Variants in MAF observed in about 807,000 individuals in gnomAD.
MAF encodes the protein MAF bZIP transcription factor.
In MAF, 10 loss-of-function variants were observed where a neutral mutation model predicts 22.0. The ratio of observed to expected loss-of-function variants is 0.45; its 90% CI spans 0.28 to 0.77. The LOEUF is 0.77. Among genes scored for constraint, MAF ranks in the 30% least tolerant of loss-of-function variants. The probability of loss-of-function intolerance (pLI) is 0.12; values close to 1 mark genes in which losing one functional copy is unlikely to be tolerated. For missense variants in MAF, 544 were observed against 548.4 expected (o/e 0.99, Z 0.08); for synonymous variants, 337 against 255.8 (o/e 1.32, Z -3.03).
At chr16:79,477,985 G>A in the MAF span, among the ~76,000 whole-genome samples, 14 of 150,560 alleles carry the variant, frequency 9.3e-5, no homozygotes, top group African/African-American at 2.7e-4. Context: ...GCCTCCCAAC[G>A]GCTGGGATTA....
chr16:79,542,780 T>G, the MAF span, among the ~76,000 whole-genome samples: 1 of 152,190 alleles, frequency 6.6e-6, no homozygotes, highest in Non-Finnish European at 1.5e-5. Flanking sequence ...TTCACTGAAC[T>G]GCTCCTGGCC....
the MAF span, among the ~76,000 whole-genome samples, chr16:79,300,146 T>C: frequency 1.3e-5 from 2 of 152,248 alleles, no homozygotes; most frequent in African/African-American, 4.8e-5. Context: ...ATTTATGTCA[T>C]GTTAGGCATA....
At chr16:79,548,894 C>G in the MAF span, among the ~76,000 whole-genome samples, 2 of 152,124 alleles carry the variant, frequency 1.3e-5, no homozygotes, top group African/African-American at 4.8e-5. Flanking sequence ...CCTCTACACA[C>G]ACTTACACAA....
chr16:79,483,853 C>T, the MAF span, among the ~76,000 whole-genome samples: 2 of 152,136 alleles, frequency 1.3e-5, no homozygotes, highest in East Asian at 1.9e-4. Flanking sequence ...TGGTCTTATT[C>T]GACAGGCAGA....
chr16:79,295,965 T>G, the MAF span, among the ~76,000 whole-genome samples: 2 of 152,316 alleles, frequency 1.3e-5, no homozygotes, highest in Admixed American at 6.5e-5. Flanking sequence ...GTACCTCACC[T>G]CCTGCGGTCT....
At chr16:79,398,004 T>A in the MAF span, among the ~76,000 whole-genome samples, 14 of 152,218 alleles carry the variant, frequency 9.2e-5, no homozygotes, top group Admixed American at 4.6e-4. Flanking sequence ...GTTCTGGAGA[T>A]CAGAAGTCTG....
At chr16:79,361,033 C>G in the MAF span, among the ~76,000 whole-genome samples, 1 of 152,236 alleles carries the variant, frequency 6.6e-6, no homozygotes, top group African/African-American at 2.4e-5. Flanking sequence ...TGTTACTAAA[C>G]ACATTCCAGC....
At chr16:79,212,203 A>C in the MAF span, 7 of 1,450,328 alleles carry the variant, frequency 4.8e-6, no homozygotes, top group South Asian at 1.0e-4. Flanking sequence ...TCTCCTACTT[A>C]GGGAAGAAAA....
chr16:79,282,964 A>T, the MAF span, among the ~76,000 whole-genome samples: 1 of 152,184 alleles, frequency 6.6e-6, no homozygotes, highest in Non-Finnish European at 1.5e-5. Flanking sequence ...ACAAGTTAGG[A>T]AGTCATAAAG....
the MAF span, among the ~76,000 whole-genome samples, chr16:79,537,510 A>G: frequency 6.6e-6 from 1 of 152,200 alleles, no homozygotes; most frequent in African/African-American, 2.4e-5. Context: ...CGTGCGGCTG[A>G]GTCTTCAAGC....
downstream of MAF, among the ~76,000 whole-genome samples, chr16:79,589,666 C>G (rs1296619485): frequency 2.0e-5 from 3 of 152,198 alleles, no homozygotes; most frequent in Non-Finnish European, 4.4e-5. Context: ...TGCTCCCTCC[C>G]TCCAGGCGCC....
chr16:79,570,757 G>C, the MAF span, among the ~76,000 whole-genome samples: 1 of 152,170 alleles, frequency 6.6e-6, no homozygotes, highest in South Asian at 2.1e-4. Flanking sequence ...GTGGAATTGA[G>C]AAGATACAAT....
chr16:79,211,045 G>GTGTGTGTGTC, the MAF span, among the ~76,000 whole-genome samples: 2 of 151,826 alleles, frequency 1.3e-5, no homozygotes, highest in Non-Finnish European at 2.9e-5. Context: ...GTGTGTGTGT[G>GTGTGTGTGTC]TGTGTGTGTG....
chr16:79,378,748 G>C, the MAF span, among the ~76,000 whole-genome samples: 1 of 152,106 alleles, frequency 6.6e-6, no homozygotes, highest in Non-Finnish European at 1.5e-5. Context: ...AGTAAATCAA[G>C]TGGGTATATG....
At chr16:79,435,445 C>T in the MAF span, among the ~76,000 whole-genome samples, 254 of 152,284 alleles carry the variant, frequency 1.7e-3, 1 homozygote, top group African/African-American at 5.5e-3. Context: ...CGGTCAATAG[C>T]GAAATCTTCT....
the MAF span, among the ~76,000 whole-genome samples, chr16:79,411,882 T>C: frequency 6.6e-6 from 1 of 152,166 alleles, no homozygotes; most frequent in African/African-American, 2.4e-5. Flanking sequence ...GTGTTTCCTC[T>C]GCACCCTTTA....
chr16:79,589,875 G>A (rs1169608819), downstream of MAF, among the ~76,000 whole-genome samples: 4 of 152,194 alleles, frequency 2.6e-5, no homozygotes, highest in African/African-American at 9.7e-5. Flanking sequence ...GCCGGGCGGC[G>A]TCGTGGGCAT....
the MAF span, among the ~76,000 whole-genome samples, chr16:79,448,303 G>A: frequency 1.7e-4 from 26 of 151,568 alleles, no homozygotes; most frequent in Middle Eastern, 3.5e-3. Flanking sequence ...TAAGTCAGCA[G>A]CCATCGGAAT....
chr16:79,336,090 T>G, the MAF span, among the ~76,000 whole-genome samples: 10 of 152,180 alleles, frequency 6.6e-5, no homozygotes, highest in Non-Finnish European at 4.4e-5. Context: ...TCTCTCACCC[T>G]TTCCCCATCC....
Sources: allele counts gnomAD v4.1 joint callset (sites outside exome capture counted in the v4.1 genomes callset), GRCh38; gene constraint gnomAD v4.1.1; transcripts MANE v1.5; gene names NCBI Gene and HGNC (gene_info 2026-07-23, HGNC 2026-07-21).